The following CASK variants were observed in gnomAD, a reference collection of about 807,000 sequenced individuals.
The protein encoded by CASK is peripheral plasma membrane protein CASK.
CASK carries 4 observed loss-of-function variants against 82.9 expected under a neutral mutation model. The observed-to-expected ratio is 0.05, with a 90% CI of 0.02 to 0.11. The LOEUF is 0.11. Ranked by LOEUF, CASK falls within the 10% of genes least tolerant of loss-of-function variation. The pLI, the probability that CASK is intolerant of heterozygous loss-of-function variation, is 1.00. For synonymous variants in CASK, 259 were observed against 253.5 expected, an observed-to-expected ratio of 1.02 and a Z score of -0.20; for missense variants, 358 against 720.9, an observed-to-expected ratio of 0.50 and a Z score of 5.76.
chrX:41,781,699 C>CTATA (rs1429424728), intron 3 of CASK, among the ~76,000 whole-genome samples: 4 of 111,673 alleles, frequency 3.6e-5, no homozygotes, highest in African/African-American at 1.3e-4. Flanking sequence ...GTAGGTGGAA[C>CTATA]TATACACAAG....
At chrX:41,525,891 G>A (rs1227178634) in intron 25 of CASK, among the ~76,000 whole-genome samples, 1 of 111,625 alleles carries the variant, frequency 9.0e-6, no homozygotes, top group Non-Finnish European at 1.9e-5. Flanking sequence ...TCTTCTTGTG[G>A]GTTGAGGGAG....
intron 2 of CASK, among the ~76,000 whole-genome samples, chrX:41,817,751 A>T (rs2070441988): frequency 9.0e-6 from 1 of 111,271 alleles, no homozygotes; most frequent in African/African-American, 3.3e-5. Flanking sequence ...TCCAGAAGTT[A>T]AAAAAAGGAT....
intron 21 of CASK, among the ~76,000 whole-genome samples, chrX:41,551,231 C>T (rs1602250095): frequency 8.9e-6 from 1 of 112,088 alleles, no homozygotes; most frequent in African/African-American, 3.2e-5. Flanking sequence ...CCCTGGCTGC[C>T]CCAGGCTGTG....
intron 8 of CASK, among the ~76,000 whole-genome samples, chrX:41,648,260 G>A (rs1433044059): frequency 1.8e-5 from 2 of 111,140 alleles, no homozygotes; most frequent in African/African-American, 6.6e-5. Flanking sequence ...GGCTTATTAG[G>A]AAGAGGAAAT....
Position 41,745,601 on chromosome X carries a change from A to G in CASK, c.279T>C (p.Phe93=), listed in dbSNP as rs1556042440. 10 of 1,178,184 alleles carry G rather than the reference A, an allele frequency of 8.5e-6. No homozygotes were observed. The highest frequency in any genetic ancestry group is 1.2e-5 in the Non-Finnish European group (10 of 866,637). The part of the protein sequence containing the change: ...SDGMLYMVFE[F]MDGADLCFEI... ...CAAAACACAGATCTGCTCCATCCAT[A>G]CTGTAAAAAAATGTGAAAAAGAACA... Residue 93 remains phenylalanine, a splice_region_variant and synonymous_variant, in exon 4 of 27, where the codon TTT becomes TTC. Transcript: ENST00000378163.
rs191866497 is a variant in CASK at position 41,540,721 on chromosome X, C to A, written c.2155+1970G>T. Among the ~76,000 whole-genome samples the A allele has an allele frequency of 1.4e-3, 152 of 112,357 alleles. 2 individuals carry two copies. Among genetic ancestry groups the A allele is most frequent in the African/African-American group, 4.8e-3 (149 of 30,978 alleles). ...GAGCAATGGAAGAAGATCAGTGATA[C>A]CCTGGTGGTGAAAGAGTGGAAAAAG... On this transcript the variant is annotated intron_variant, in intron 22 of 26. Transcript: ENST00000378163.
chrX:41,539,975 G>A (rs1287621853), intron 22 of CASK, among the ~76,000 whole-genome samples: 1 of 112,162 alleles, frequency 8.9e-6, no homozygotes, highest in African/African-American at 3.2e-5. Context: ...GCCTAACAAT[G>A]ATATCCTGAC....
At chrX:41,921,724 A>C (rs1264524180) in intron 1 of CASK, among the ~76,000 whole-genome samples, 2 of 110,924 alleles carry the variant, frequency 1.8e-5, no homozygotes, top group African/African-American at 6.6e-5. Context: ...GTAATACCTC[A>C]ATATGGAAAG....
chrX:41,788,488 G>T (rs960234933), intron 2 of CASK, among the ~76,000 whole-genome samples: 2 of 111,614 alleles, frequency 1.8e-5, no homozygotes, highest in Non-Finnish European at 3.8e-5. Flanking sequence ...AAGAACCAAG[G>T]CTAAGGATGT....
intron 8 of CASK, among the ~76,000 whole-genome samples, chrX:41,652,307 T>G (rs1354241864): frequency 9.0e-6 from 1 of 111,506 alleles, no homozygotes; most frequent in Non-Finnish European, 1.9e-5. Flanking sequence ...GAGGCCTGGA[T>G]TCAGGAGTCA....
Position 41,520,381 on chromosome X carries a change from G to A in CASK, c.*39C>T. 9.0e-7 allele frequency: 1 copy of A among 1,113,517 alleles called. No homozygotes were observed. The highest frequency in any genetic ancestry group is 1.2e-6 in the Non-Finnish European group (1 of 811,710). 91.8% of individuals were successfully genotyped at this position (1,113,517 alleles called of 1,213,427 possible). A position where few individuals can be genotyped will look rare whatever the true frequency, so the allele number is the denominator to read the frequency against. On this transcript the variant is annotated 3_prime_UTR_variant, in exon 27 of 27. Coordinates refer to ENST00000378163, the MANE Select transcript of CASK (RefSeq NM_001367721.1). ...ATAACAAAGAGGCTTTTCCACAAAT[G>A]AGGTGCTCCCAGTTATGCTCAGATA...
intron 8 of CASK, among the ~76,000 whole-genome samples, chrX:41,642,887 C>T (rs1288531646): frequency 1.8e-5 from 2 of 112,119 alleles, no homozygotes; most frequent in Admixed American, 9.5e-5. Context: ...TTAGGTCTAA[C>T]ATTTAAGTCT....
intron 5 of CASK, among the ~76,000 whole-genome samples, chrX:41,710,728 T>A (rs984643787): frequency 8.9e-6 from 1 of 112,066 alleles, no homozygotes; most frequent in African/African-American, 3.2e-5. Context: ...CTTGAAAGAC[T>A]AGGCAGGATT....
intron 2 of CASK, among the ~76,000 whole-genome samples, chrX:41,842,969 T>C (rs1411950915): frequency 8.9e-6 from 1 of 112,174 alleles, no homozygotes; most frequent in East Asian, 2.8e-4. Flanking sequence ...TTTAGATTTT[T>C]CACTGCTTGT....
At chrX:41,691,145 A>G (rs1217760548) in intron 5 of CASK, among the ~76,000 whole-genome samples, 1 of 112,152 alleles carries the variant, frequency 8.9e-6, no homozygotes, top group Non-Finnish European at 1.9e-5. Context: ...TACTTATTTT[A>G]TTTGCAGATT....
At chrX:41,898,101 G>A (rs1244345505) in intron 1 of CASK, among the ~76,000 whole-genome samples, 1 of 110,718 alleles carries the variant, frequency 9.0e-6, no homozygotes, top group Non-Finnish European at 1.9e-5. Context: ...ATAGGTTCTG[G>A]GAGTTTCTTT....
chrX:41,695,976 A>G, intron 5 of CASK: 9 of 1,208,725 alleles, frequency 7.4e-6, no homozygotes, highest in Non-Finnish European at 1.0e-5. Flanking sequence ...AATGTATCAT[A>G]TTAACCAAAA....
At chrX:41,548,950 G>A (rs963844878) in intron 21 of CASK, among the ~76,000 whole-genome samples, 12 of 111,833 alleles carry the variant, frequency 1.1e-4, no homozygotes, top group African/African-American at 3.2e-4. Context: ...AGCTCAGTAA[G>A]TGCACAGAAA....
chrX:41,730,077 T>C (rs2068365001), intron 5 of CASK: 1 of 121,111 alleles, frequency 8.3e-6, no homozygotes, highest in South Asian at 3.9e-4. Flanking sequence ...ACTGATATTC[T>C]CTTCTCAGAT....
Sources: allele counts gnomAD v4.1 joint callset (sites outside exome capture counted in the v4.1 genomes callset), GRCh38; gene constraint gnomAD v4.1.1; transcripts MANE v1.5; gene names NCBI Gene and HGNC (gene_info 2026-07-23, HGNC 2026-07-21).